Variants in GOSR2 observed in about 807,000 individuals in gnomAD.
The protein encoded by GOSR2 is 27 kDa Golgi SNARE protein.
In GOSR2, 20 loss-of-function variants were observed where a neutral mutation model predicts 27.9. The observed-to-expected ratio is 0.72, with a 90% CI of 0.50 to 1.04. GOSR2 has a LOEUF of 1.04. Among genes scored for constraint, GOSR2 ranks in the 50% least tolerant of loss-of-function variants. The pLI is 0.00. For missense variants in GOSR2, 261 were observed against 270.5 expected (o/e 0.97, Z 0.25); for synonymous variants, 91 against 98.8 (o/e 0.92, Z 0.47).
intron 6 of GOSR2, among the ~76,000 whole-genome samples, chr17:46,950,829 G>A (rs186926454): frequency 2.6e-5 from 4 of 152,302 alleles, no homozygotes; most frequent in Middle Eastern, 3.4e-3. Context: ...GAGGAAAAGC[G>A]GGGCCAGAAG....
chr17:46,972,780 T>A (rs2091406030), intron 6 of GOSR2, among the ~76,000 whole-genome samples: 1 of 151,956 alleles, frequency 6.6e-6, no homozygotes, highest in African/African-American at 2.4e-5. Flanking sequence ...GCACTCAATC[T>A]CCCGTGTGGA....
chr17:46,947,081 A>G (rs1004344746), intron 6 of GOSR2, among the ~76,000 whole-genome samples: 4 of 152,112 alleles, frequency 2.6e-5, no homozygotes, highest in Non-Finnish European at 5.9e-5. Context: ...TGGAAAGAGT[A>G]GGGACGTATT....
intron 6 of GOSR2, among the ~76,000 whole-genome samples, chr17:46,954,791 G>A (rs1256074760): frequency 5.3e-5 from 8 of 152,204 alleles, no homozygotes; most frequent in African/African-American, 1.9e-4. Flanking sequence ...TGAAGCAATT[G>A]TGAATGGGAG....
chr17:46,965,631 C>CTTTGTTCT (rs2091281606), intron 6 of GOSR2, among the ~76,000 whole-genome samples: 1 of 44,778 alleles, frequency 2.2e-5, no homozygotes, highest in Non-Finnish European at 5.7e-5. Context: ...CCTTCTCTTT[C>CTTTGTTCT]TTTTTTTTCT....
chr17:46,936,607 C>CT, intron 5 of GOSR2: 1 of 985,460 alleles, frequency 1.0e-6, no homozygotes, highest in Non-Finnish European at 1.2e-6. Context: ...CTGAAGCACT[C>CT]TGATGACTGG....
At chr17:46,965,818 G>A (rs2091293086) in intron 6 of GOSR2, among the ~76,000 whole-genome samples, 1 of 150,762 alleles carries the variant, frequency 6.6e-6, no homozygotes, top group South Asian at 2.1e-4. Flanking sequence ...TTTTGTAGAG[G>A]CGGGGTCTCA....
At chr17:46,929,845 C>A in intron 2 of GOSR2, 1 of 470,442 alleles carries the variant, frequency 2.1e-6, no homozygotes, top group Non-Finnish European at 3.9e-6. Flanking sequence ...TTGCCTCCAT[C>A]TATCTTAATC....
intron 6 of GOSR2, among the ~76,000 whole-genome samples, chr17:46,950,908 A>G (rs555469207): frequency 2.6e-5 from 4 of 152,160 alleles, no homozygotes; most frequent in Admixed American, 6.5e-5. Context: ...CCAGTCGGTG[A>G]TGAGAGATCT....
intron 6 of GOSR2, among the ~76,000 whole-genome samples, chr17:46,962,811 T>C (rs2091140438): frequency 6.6e-6 from 1 of 152,212 alleles, no homozygotes; most frequent in African/African-American, 2.4e-5. Flanking sequence ...GATAATGAAG[T>C]GGCTACCATA....
At chr17:46,934,970 G>A in intron 4 of GOSR2, 59 bp from the exon 5 acceptor site, 5 of 1,518,666 alleles carry the variant, frequency 3.3e-6, no homozygotes, top group Non-Finnish European at 4.6e-6. Flanking sequence ...ACAGAGCAGT[G>A]AGACCCCAGG....
intron 1 of GOSR2, 153 bp downstream of exon 1, chr17:46,923,374 G>T: frequency 6.8e-7 from 1 of 1,472,644 alleles, no homozygotes. Flanking sequence ...CTTAATCCTT[G>T]GCGGGACTCC....
At position 46,931,058 on chromosome 17, in the gene GOSR2, A is replaced by C. The variant is rs189629409; in HGVS notation, c.95-41A>C. The C allele has an allele frequency of 1.6e-5, 17 of 1,038,952 alleles. No individual in the cohort carries two copies. The African/African-American group carries it at 2.3e-4, about 14-fold the overall frequency. The allele number at this position is 1,038,952 out of a possible 1,614,324, so 64.4% of individuals were successfully genotyped here. A position where few individuals can be genotyped will look rare whatever the true frequency, so the allele number is the denominator to read the frequency against. On this transcript the variant is annotated intron_variant, in intron 2 of 5. Transcript: ENST00000640051. ...TTTATCATTGTAATTTAAGTTCACT[A>C]TCTCTTTTCCAGCAATTATTCTTTT...
At chr17:46,963,543 CAAAAA>C (rs34316777) in intron 6 of GOSR2, among the ~76,000 whole-genome samples, 1 of 137,724 alleles carries the variant, frequency 7.3e-6, no homozygotes, top group Non-Finnish European at 1.6e-5. Context: ...GGCTCGGTCT[CAAAAA>C]AAAAAAAAAA....
In GOSR2 at chr17:46,940,546, G is replaced by GT. The variant is rs766295758; in HGVS notation, c.*1787dup. The GT allele has an allele frequency of 4.3e-6, 7 of 1,614,136 alleles. No homozygotes were observed. Among genetic ancestry groups the GT allele is most frequent in the Non-Finnish European group, 5.1e-6 (6 of 1,180,018 alleles). ...GAGACTGCGACGGCAAGGCTGTCCT[G>GT]TCCCCCAGGCACCCAAGGATCCTGC... is the stretch of plus-strand genomic sequence containing the variant. On this transcript the variant is annotated 3_prime_UTR_variant, in exon 6 of 6. Coordinates refer to ENST00000640051, the MANE Select transcript of GOSR2 (RefSeq NM_004287.5).
chr17:46,928,970 T>C (rs1192629010), intron 1 of GOSR2, among the ~76,000 whole-genome samples: 14 of 152,024 alleles, frequency 9.2e-5, no homozygotes. Flanking sequence ...CCTCTTTCTG[T>C]TTGTTTATAC....
At chr17:46,967,826 G>C (rs1227247224), downstream of GOSR2, among the ~76,000 whole-genome samples, 1 of 152,112 alleles carries the variant, frequency 6.6e-6, no homozygotes, top group Admixed American at 6.5e-5. Context: ...AAGATAAAGA[G>C]GGGGGTAGGG....
exon 7 of GOSR2, chr17:46,966,541 G>T (rs999520519): frequency 2.4e-5 from 17 of 693,962 alleles, no homozygotes; most frequent in Non-Finnish European, 4.2e-5. Context: ...CAGAGACAAG[G>T]TCTCACCATG....
downstream of GOSR2, among the ~76,000 whole-genome samples, chr17:46,946,126 A>C (rs142538263): frequency 7.2e-3 from 1,089 of 152,044 alleles, 3 homozygotes; most frequent in Middle Eastern, 0.017. Flanking sequence ...ACTCACTTGG[A>C]GGAAACCACA....
At chr17:46,957,039 T>G (rs903975987) in intron 6 of GOSR2, among the ~76,000 whole-genome samples, 1 of 152,162 alleles carries the variant, frequency 6.6e-6, no homozygotes, top group Non-Finnish European at 1.5e-5. Flanking sequence ...CTGGGTACGG[T>G]GGCTCACACT....
Sources: allele counts gnomAD v4.1 joint callset (sites outside exome capture counted in the v4.1 genomes callset), GRCh38; gene constraint gnomAD v4.1.1; transcripts MANE v1.5; gene names NCBI Gene and HGNC (gene_info 2026-07-23, HGNC 2026-07-21).